ASTN2: variants seen among roughly 807,000 people sequenced by gnomAD.
ASTN2 encodes astrotactin-2.
ASTN2 carries 54 observed loss-of-function variants against 139.8 expected under a neutral mutation model. The ratio of observed to expected loss-of-function variants is 0.39; its 90% CI spans 0.31 to 0.48. The LOEUF (loss-of-function observed/expected upper bound fraction) is 0.48, where lower values mean the gene tolerates loss of function less well. ASTN2 is among the 20% of genes least tolerant of loss of function. The pLI, the probability that ASTN2 is intolerant of heterozygous loss-of-function variation, is 0.95. For missense variants in ASTN2, 1,565 were observed against 1,725.1 expected (o/e 0.91, Z 1.64); for synonymous variants, 756 against 719.5 (o/e 1.05, Z -0.81).
chr9:116,969,443 G>C (rs928961094), intron 10 of ASTN2, among the ~76,000 whole-genome samples: 3 of 152,170 alleles, frequency 2.0e-5, no homozygotes, highest in Non-Finnish European at 4.4e-5. Context: ...TCAGTGACAG[G>C]ACTTCTGCAT....
intron 6 of ASTN2, among the ~76,000 whole-genome samples, chr9:117,035,511 A>G (rs1189406423): frequency 6.6e-6 from 1 of 152,172 alleles, no homozygotes; most frequent in Non-Finnish European, 1.5e-5. Context: ...TCAGAGCTGG[A>G]AACTCCAGTA....
chr9:116,512,425 T>A (rs908038681), intron 19 of ASTN2, among the ~76,000 whole-genome samples: 4 of 152,184 alleles, frequency 2.6e-5, no homozygotes, highest in Admixed American at 6.5e-5. Context: ...CTTCCAACTA[T>A]GTGGTCAATT....
At chr9:117,332,145 C>T (rs890266141) in intron 1 of ASTN2, among the ~76,000 whole-genome samples, 1 of 151,974 alleles carries the variant, frequency 6.6e-6, no homozygotes, top group Non-Finnish European at 1.5e-5. Flanking sequence ...AACTTGTTTT[C>T]TTTTTTTTGA....
chr9:116,983,821 G>C (rs777630322), intron 7 of ASTN2, among the ~76,000 whole-genome samples: 11 of 152,184 alleles, frequency 7.2e-5, no homozygotes, highest in Non-Finnish European at 1.3e-4. Flanking sequence ...TCTACAGGCT[G>C]TGGCTGGTCC....
At chr9:117,223,506 G>T (rs1489428049) in intron 2 of ASTN2, among the ~76,000 whole-genome samples, 1 of 152,156 alleles carries the variant, frequency 6.6e-6, no homozygotes, top group East Asian at 1.9e-4. Context: ...TGTGTCTATT[G>T]GTGGGGAAGG....
At chr9:116,687,049 C>T in intron 16 of ASTN2, 1 of 1,328,252 alleles carries the variant, frequency 7.5e-7, no homozygotes, top group Non-Finnish European at 9.7e-7. Flanking sequence ...CGCATTCTGG[C>T]TTATCTCCTG....
intron 10 of ASTN2, among the ~76,000 whole-genome samples, chr9:116,865,385 C>A (rs1423825678): frequency 8.3e-6 from 1 of 120,550 alleles, no homozygotes; most frequent in Non-Finnish European, 1.6e-5. Flanking sequence ...GTGAGAGGAT[C>A]TCTTGAGCTA....
intron 2 of ASTN2, among the ~76,000 whole-genome samples, chr9:117,289,410 A>G (rs1424578495): frequency 6.6e-6 from 1 of 152,216 alleles, no homozygotes; most frequent in Non-Finnish European, 1.5e-5. Context: ...CAAAAGGGAA[A>G]GTTGAGGAAA....
At chr9:117,052,851 C>T (rs1029515326) in intron 5 of ASTN2, among the ~76,000 whole-genome samples, 6 of 152,126 alleles carry the variant, frequency 3.9e-5, no homozygotes, top group African/African-American at 9.7e-5. Context: ...GCTGGTCATG[C>T]GATTCAAAAC....
At chr9:117,076,910 G>A (rs945563958) in intron 5 of ASTN2, among the ~76,000 whole-genome samples, 4 of 152,050 alleles carry the variant, frequency 2.6e-5, no homozygotes, top group African/African-American at 9.7e-5. Flanking sequence ...ATCTGATCCA[G>A]CCTTACTGGG....
chr9:117,382,502 C>T (rs962751914), intron 1 of ASTN2, among the ~76,000 whole-genome samples: 2 of 152,276 alleles, frequency 1.3e-5, no homozygotes, highest in Admixed American at 6.5e-5. Flanking sequence ...GACTAACTTG[C>T]CCAAATGCAC....
chr9:116,937,389 GTCT>G lies in ASTN2; in HGVS notation c.1889+37816_1889+37818del, dbSNP rs1365328423. On this transcript the variant is annotated intron_variant, in intron 10 of 22. Coordinates refer to ENST00000313400, the MANE Select transcript of ASTN2 (RefSeq NM_001365068.1). ...ACATGTTAGATATTGCATCCTCTTG[GTCT>G]TCTTCTGACTCTCACACTTCCCTCA... Among the ~76,000 whole-genome samples, 7 of 152,108 alleles carry G rather than the reference GTCT, an allele frequency of 4.6e-5. No individual in the cohort carries two copies. The East Asian group carries it at 1.2e-3, about 25-fold the overall frequency.
intron 17 of ASTN2, among the ~76,000 whole-genome samples, chr9:116,632,252 G>GAAAGAAAGAAGGAAAGAAA (rs1856833378): frequency 8.5e-5 from 6 of 70,922 alleles, no homozygotes; most frequent in Admixed American, 1.4e-4. Context: ...AAAGAAAGAA[G>GAAAGAAAGAAGGAAAGAAA]GAAAGAAAGA....
intron 1 of ASTN2, among the ~76,000 whole-genome samples, chr9:117,377,278 T>G (rs1830148639): frequency 6.6e-6 from 1 of 151,958 alleles, no homozygotes; most frequent in Non-Finnish European, 1.5e-5. Flanking sequence ...GGCAGGAGGT[T>G]AACCAAGCCA....
intron 10 of ASTN2, among the ~76,000 whole-genome samples, chr9:116,873,157 T>A (rs993066445): frequency 6.6e-6 from 1 of 152,204 alleles, no homozygotes; most frequent in African/African-American, 2.4e-5. Context: ...AACACAATGA[T>A]GTAAATGATA....
intron 19 of ASTN2, among the ~76,000 whole-genome samples, chr9:116,501,839 A>G (rs555559929): frequency 4.6e-4 from 70 of 151,450 alleles, no homozygotes; most frequent in African/African-American, 1.7e-3. Context: ...GTACCCTAAA[A>G]CTTAAAGTAT....
At chr9:116,885,346 A>T (rs1200482666) in intron 10 of ASTN2, among the ~76,000 whole-genome samples, 1 of 152,166 alleles carries the variant, frequency 6.6e-6, no homozygotes, top group East Asian at 1.9e-4. Flanking sequence ...AAGTATAAAT[A>T]CTATGTATCA....
chr9:117,289,007 T>G lies in ASTN2; in HGVS notation c.630+2319A>C, dbSNP rs529815705. On this transcript the variant is annotated intron_variant, in intron 2 of 22. Transcript: ENST00000313400. ...AAATGACAAAAACAAGACAAAGGGC[T>G]CATACCCGAGTTCAGTGTCAGAGAG... is the stretch of plus-strand genomic sequence containing the variant. Among the ~76,000 whole-genome samples the G allele has an allele frequency of 6.6e-5, 10 of 152,306 alleles. No individual in the cohort carries two copies. The East Asian group carries it at 1.9e-3, about 29-fold the overall frequency.
chr9:117,343,963 G>T (rs181017598), intron 1 of ASTN2, among the ~76,000 whole-genome samples: 10 of 152,244 alleles, frequency 6.6e-5, no homozygotes, highest in Admixed American at 6.5e-4. Flanking sequence ...GAAGGAAGGA[G>T]GGGGGATGAA....
Sources: allele counts gnomAD v4.1 joint callset (sites outside exome capture counted in the v4.1 genomes callset), GRCh38; gene constraint gnomAD v4.1.1; transcripts MANE v1.5; gene names NCBI Gene and HGNC (gene_info 2026-07-23, HGNC 2026-07-21).